Variants in NFASC observed in about 807,000 individuals in gnomAD.
NFASC encodes the protein neurofascin.
NFASC carries 43 observed loss-of-function variants against 147.5 expected under a neutral mutation model. That is an observed-to-expected ratio of 0.29 (90% CI 0.23 to 0.38). The LOEUF (loss-of-function observed/expected upper bound fraction) is 0.38, where lower values mean the gene tolerates loss of function less well. Among genes scored for constraint, NFASC ranks in the 10% least tolerant of loss-of-function variants. The pLI is 1.00. For synonymous variants in NFASC, 622 were observed against 665.5 expected (o/e 0.93, Z 1.01); for missense variants, 1,320 against 1,689.0 (o/e 0.78, Z 3.83).
chr1:204,891,732 G>A (rs1012449517), intron 1 of NFASC, among the ~76,000 whole-genome samples: 1 of 152,186 alleles, frequency 6.6e-6, no homozygotes, highest in African/African-American at 2.4e-5. Context: ...GAGTGGGGCT[G>A]GAGTAGGTTG....
intron 23 of NFASC, chr1:204,989,108 T>C: frequency 2.4e-6 from 1 of 418,546 alleles, no homozygotes; most frequent in Non-Finnish European, 4.4e-6. Flanking sequence ...AGAGCATGAG[T>C]TGAGAAATGA....
intron 1 of NFASC, among the ~76,000 whole-genome samples, chr1:204,865,283 ATAATAAAATAGAAAACTTATACTG>A (rs1270800421): frequency 2.0e-5 from 3 of 152,248 alleles, no homozygotes; most frequent in Non-Finnish European, 4.4e-5. Context: ...GCAATAACTA[ATAATAAAATAGAAAACTTATACTG>A]TAATAAAAGT....
chr1:205,003,653 T>G (rs2096046986), intron 27 of NFASC, among the ~76,000 whole-genome samples: 1 of 152,070 alleles, frequency 6.6e-6, no homozygotes, highest in South Asian at 2.1e-4. Context: ...CCAGGGGATA[T>G]CCTAATCAGA....
At chr1:204,943,633 C>T (rs922229054) in intron 2 of NFASC, among the ~76,000 whole-genome samples, 1 of 152,172 alleles carries the variant, frequency 6.6e-6, no homozygotes, top group Non-Finnish European at 1.5e-5. Context: ...AACCCATGAT[C>T]CCCAGTCCTG....
At position 204,944,401 on chromosome 1, in the gene NFASC, T is replaced by C; in HGVS notation, c.86T>C (p.Met29Thr). ...LSLGGAIEIPMDPSIQNELTQ... is the reference protein window; with the variant it reads ...LSLGGAIEIPTDPSIQNELTQ... ...CTTGGCGGAGCCATCGAAATTCCTATGGATCGTGAGTCCTGCCCCATTCTC... is the reference window on the plus strand; with the variant it reads ...CTTGGCGGAGCCATCGAAATTCCTACGGATCGTGAGTCCTGCCCCATTCTC... The change falls in exon 3 of 30, where the codon ATG becomes ACG. Residue 29 changes from methionine to threonine, a missense_variant. Transcript: ENST00000339876. 2 of 1,496,450 alleles carry C rather than the reference T, an allele frequency of 1.3e-6. No individual in the cohort carries two copies. Among genetic ancestry groups the C allele is most frequent in the African/African-American group, 1.4e-5 (1 of 70,202 alleles). The allele number at this position is 1,496,450 out of a possible 1,614,324, so 92.7% of individuals were successfully genotyped here.
In NFASC at chr1:204,975,337, A is replaced by T. The variant is rs1183557128; in HGVS notation, c.1625A>T (p.Glu542Val). 1 of 1,613,944 alleles carries T rather than the reference A, an allele frequency of 6.2e-7. No homozygotes were observed. The highest frequency in any genetic ancestry group is 2.2e-5 in the East Asian group (1 of 44,880). ...AGAAGGGGCACCACGGTGCAGCTGG[A>T]GTGTCGGGTGAAGCACGACCCCTCC... is the stretch of plus-strand genomic sequence containing the variant. ...VARRGTTVQL[E>V]CRVKHDPSLK... The change falls in exon 15 of 30, where the codon GAG becomes GTG. Residue 542 changes from glutamate to valine, a missense_variant. Around this residue, in one of 3 missense-constraint regions of NFASC, gnomAD observed 981 missense variants for 1,289.5 expected, o/e 0.76. Coordinates refer to ENST00000339876, the MANE Select transcript of NFASC (RefSeq NM_001005388.3). The surrounding 1 kb of genome is among the most constrained non-coding windows in gnomAD (Gnocchi z 4.0).
intron 7 of NFASC, among the ~76,000 whole-genome samples, chr1:204,956,893 C>G (rs2094458306): frequency 6.6e-6 from 1 of 151,018 alleles, no homozygotes; most frequent in African/African-American, 2.4e-5. Flanking sequence ...GGGTTTACAT[C>G]AGATATAGCA....
intron 7 of NFASC, among the ~76,000 whole-genome samples, chr1:204,955,166 T>C (rs909878641): frequency 6.6e-6 from 1 of 152,162 alleles, no homozygotes; most frequent in Admixed American, 6.5e-5. Flanking sequence ...GCAAGTGTGA[T>C]CTTGAGCAAA....
rs547623200 is a variant in NFASC at position 204,902,367 on chromosome 1, G to A, written c.-199-18265G>A. ...GCCTATTACACATATCAACTAATAC[G>A]TTGGCCTTATTTGGATTCTGACTCA... On this transcript the variant is annotated intron_variant, in intron 1 of 29. Coordinates refer to ENST00000339876, the MANE Select transcript of NFASC (RefSeq NM_001005388.3). 1.2e-3 allele frequency among the ~76,000 whole-genome samples: 179 copies of A among 152,280 alleles called. 1 individual carries two copies. The highest frequency in any genetic ancestry group is 2.4e-3 in the African/African-American group (100 of 41,570).
At chr1:204,929,758 C>T (rs2092161917) in intron 2 of NFASC, among the ~76,000 whole-genome samples, 1 of 152,034 alleles carries the variant, frequency 6.6e-6, no homozygotes, top group African/African-American at 2.4e-5. Flanking sequence ...CTGCCTCTTC[C>T]CCTTCTAATC....
chr1:204,962,233 G>T, intron 8 of NFASC: 1 of 1,252,866 alleles, frequency 8.0e-7, no homozygotes, highest in South Asian at 1.2e-5. Context: ...CTGATACCAC[G>T]TCATTAACTC....
intron 7 of NFASC, 111 bp from the exon 8 acceptor site, chr1:204,957,545 A>C: frequency 1.1e-6 from 1 of 921,960 alleles, no homozygotes. Flanking sequence ...AGTAATGTCA[A>C]GCTCCTGGTC....
intron 21 of NFASC, among the ~76,000 whole-genome samples, chr1:204,983,108 C>T (rs114352206): frequency 8.5e-5 from 13 of 152,174 alleles, no homozygotes; most frequent in African/African-American, 2.4e-4. Context: ...GGCATCTGGT[C>T]ATGGATTTTA....
At chr1:204,980,499 C>T in intron 20 of NFASC, 59 bp downstream of exon 20, 3 of 1,317,980 alleles carry the variant, frequency 2.3e-6, no homozygotes, top group Non-Finnish European at 2.2e-6. Context: ...ACCGGGAGCC[C>T]CTCTCCCTTG....
At chr1:204,838,400 A>G (rs1010902304) in intron 1 of NFASC, among the ~76,000 whole-genome samples, 1 of 152,106 alleles carries the variant, frequency 6.6e-6, no homozygotes, top group Admixed American at 6.5e-5. Flanking sequence ...AGTTTGACCA[A>G]TTGTTGGAGA....
At chr1:204,916,084 A>T (rs2089187942) in intron 1 of NFASC, among the ~76,000 whole-genome samples, 1 of 152,124 alleles carries the variant, frequency 6.6e-6, no homozygotes, top group Non-Finnish European at 1.5e-5. Context: ...AGAGGAACGA[A>T]TGAGGTGTCT....
At position 204,982,036 on chromosome 1, in the gene NFASC, C is replaced by T. The variant is rs1233731809; in HGVS notation, c.2470+16C>T. 3.3e-6 allele frequency: 5 copies of T among 1,494,814 alleles called. No homozygotes were observed. The highest frequency in any genetic ancestry group is 2.1e-5 in the Admixed American group (1 of 48,564). The allele number at this position is 1,494,814 out of a possible 1,614,324, so 92.6% of individuals were successfully genotyped here. A position where few individuals can be genotyped will look rare whatever the true frequency, so the allele number is the denominator to read the frequency against. ...GGAGAAGATTGTGAGTAGTCTCCTC[C>T]CCGTCCCCCCATCAGGACCCTTGTG... On this transcript the variant is annotated intron_variant, in intron 21 of 29. Coordinates refer to ENST00000339876, the MANE Select transcript of NFASC (RefSeq NM_001005388.3).
rs1370129314 is a variant in NFASC at position 204,954,580 on chromosome 1, CA to C, written c.412+198del. On this transcript the variant is annotated intron_variant, in intron 6 of 29. Transcript: ENST00000339876. The surrounding 1 kb of genome is among the most constrained non-coding windows in gnomAD (Gnocchi z 5.7). ...AGCTTCCTTTTGAAGTTGTTGTCTG[CA>C]ACAATTTCACTGGCCACTGCGGGCA... Among the ~76,000 whole-genome samples, 2 of 152,210 alleles carry C rather than the reference CA, an allele frequency of 1.3e-5. No homozygotes were observed. Among genetic ancestry groups the C allele is most frequent in the Admixed American group, 1.3e-4 (2 of 15,288 alleles).
chr1:204,836,167 C>CGTGT (rs372071605), intron 1 of NFASC, among the ~76,000 whole-genome samples: 1 of 150,558 alleles, frequency 6.6e-6, no homozygotes, highest in African/African-American at 2.4e-5. Flanking sequence ...TCTGTGTGTG[C>CGTGT]GTGTGTGTGT....
Sources: gnomAD v4.1 joint callset for allele counts (sites outside exome capture counted in the v4.1 genomes callset) on GRCh38, gnomAD v4.1.1 for gene constraint, gnomAD v4.1.1 regional missense constraint, Gnocchi (gnomAD v3.1) non-coding constraint, MANE v1.5 for transcripts, NCBI Gene and HGNC (gene_info 2026-07-23, HGNC 2026-07-21) for gene names.